The following DLGAP1 variants were observed in gnomAD, a reference collection of about 807,000 sequenced individuals.
DLGAP1 encodes the protein DLG associated protein 1, also known as disks large-associated protein 1.
In DLGAP1, 11 loss-of-function variants were observed where a neutral mutation model predicts 90.8. That is an observed-to-expected ratio of 0.12 (90% CI 0.08 to 0.20). The LOEUF is 0.20. Ranked by LOEUF, DLGAP1 falls within the 10% of genes least tolerant of loss-of-function variation. The pLI is 1.00. For synonymous variants in DLGAP1, 558 were observed against 540.7 expected, an observed-to-expected ratio of 1.03 and a Z score of -0.44; for missense variants, 1,050 against 1,333.8, an observed-to-expected ratio of 0.79 and a Z score of 3.31.
chr18:4,351,785 CT>C (rs1304401723), intron 1 of DLGAP1, among the ~76,000 whole-genome samples: 1 of 152,148 alleles, frequency 6.6e-6, no homozygotes, highest in Non-Finnish European at 1.5e-5. Context: ...ACATACTAGG[CT>C]CAAATTTATT....
Position 4,000,455 on chromosome 18 carries a change from T to G in DLGAP1, c.-73+4661A>C, listed in dbSNP as rs375122170. Among the ~76,000 whole-genome samples the G allele has an allele frequency of 1.6e-4, 24 of 152,302 alleles. 2 individuals carry two copies. Among genetic ancestry groups the G allele is most frequent in the African/African-American group, 3.8e-4 (16 of 41,576 alleles). On this transcript the variant is annotated intron_variant, in intron 3 of 12. Coordinates refer to ENST00000315677, the MANE Select transcript of DLGAP1 (RefSeq NM_004746.4). ...ATATAGAGCAAATGGCCATCACATTTTGTACTCTCTCCCTCGTAAACTACA... is the reference window on the plus strand; with the variant it reads ...ATATAGAGCAAATGGCCATCACATTGTGTACTCTCTCCCTCGTAAACTACA...
At chr18:3,656,374 CA>C in intron 7 of DLGAP1, 1 of 449,382 alleles carries the variant, frequency 2.2e-6, no homozygotes, top group Non-Finnish European at 4.0e-6. Context: ...TTGGATGGGA[CA>C]AAGGCCAAGT....
chr18:3,583,151 T>G (rs7232646), intron 7 of DLGAP1, among the ~76,000 whole-genome samples: 28,542 of 122,384 alleles, frequency 0.23, 3,049 homozygotes, highest in South Asian at 0.26. Flanking sequence ...CCGACCTACC[T>G]ACCTACCTAC....
intron 5 of DLGAP1, among the ~76,000 whole-genome samples, chr18:3,786,956 G>A (rs563693040): frequency 4.9e-5 from 6 of 123,332 alleles, no homozygotes; most frequent in African/African-American, 1.7e-4. Context: ...TGTGTTGTTC[G>A]CATTTTTACA....
intron 1 of DLGAP1, among the ~76,000 whole-genome samples, chr18:4,277,152 G>A (rs955976853): frequency 2.6e-5 from 4 of 152,178 alleles, no homozygotes; most frequent in Admixed American, 1.3e-4. Flanking sequence ...GTGTATACAC[G>A]TGATATAGAC....
chr18:3,701,068 G>A (rs2061264698), intron 7 of DLGAP1, among the ~76,000 whole-genome samples: 1 of 152,104 alleles, frequency 6.6e-6, no homozygotes, highest in Non-Finnish European at 1.5e-5. Flanking sequence ...TTTTGTTGAG[G>A]TGGGGTTGTG....
intron 5 of DLGAP1, among the ~76,000 whole-genome samples, chr18:3,769,848 T>TC (rs1555661419): frequency 2.0e-5 from 3 of 150,566 alleles, no homozygotes; most frequent in Non-Finnish European, 4.4e-5. Context: ...CCACGGTGGG[T>TC]GGGGGGGGAA....
chr18:4,049,744 G>A (rs926039873), intron 2 of DLGAP1, among the ~76,000 whole-genome samples: 6 of 151,972 alleles, frequency 3.9e-5, no homozygotes, highest in Non-Finnish European at 7.4e-5. Flanking sequence ...GTAATCATGC[G>A]CTTAGACTAG....
chr18:3,617,591 CAAAAAA>C (rs66810699), intron 7 of DLGAP1, among the ~76,000 whole-genome samples: 1 of 132,240 alleles, frequency 7.6e-6, no homozygotes, highest in Non-Finnish European at 1.6e-5. Flanking sequence ...AACTCCATCT[CAAAAAA>C]AAAAAAAAAA....
chr18:4,330,795 T>C (rs1458726130), intron 1 of DLGAP1, among the ~76,000 whole-genome samples: 1 of 151,904 alleles, frequency 6.6e-6, no homozygotes, highest in South Asian at 2.1e-4. Flanking sequence ...TCTGGTCTCT[T>C]CTGGGTTATG....
chr18:4,032,321 C>G (rs2074808795), intron 2 of DLGAP1, among the ~76,000 whole-genome samples: 1 of 152,152 alleles, frequency 6.6e-6, no homozygotes, highest in Non-Finnish European at 1.5e-5. Flanking sequence ...GTCTGAAAAT[C>G]TCTGTAGTCT....
intron 1 of DLGAP1, among the ~76,000 whole-genome samples, chr18:4,449,847 G>C (rs1486322934): frequency 6.6e-6 from 1 of 152,140 alleles, no homozygotes; most frequent in African/African-American, 2.4e-5. Context: ...ATTCCAAGGA[G>C]AGGGGGAAAG....
At chr18:3,656,900 G>C (rs1263972637) in intron 7 of DLGAP1, among the ~76,000 whole-genome samples, 1 of 151,694 alleles carries the variant, frequency 6.6e-6, no homozygotes, top group Admixed American at 6.6e-5. Flanking sequence ...GCGCCCGCCA[G>C]CACGCCCGGC....
intron 3 of DLGAP1, among the ~76,000 whole-genome samples, chr18:3,936,644 C>A (rs1213753677): frequency 5.9e-5 from 9 of 152,156 alleles, no homozygotes; most frequent in South Asian, 2.1e-4. Context: ...TGATTCATCA[C>A]CTTTGCATAA....
At chr18:4,290,217 TTATATACTAGG>T (rs1408868568) in intron 1 of DLGAP1, among the ~76,000 whole-genome samples, 1 of 152,198 alleles carries the variant, frequency 6.6e-6, no homozygotes, top group Non-Finnish European at 1.5e-5. Context: ...TTGTTAGCAT[TTATATACTAGG>T]TATTATGCAT....
intron 1 of DLGAP1, among the ~76,000 whole-genome samples, chr18:4,278,250 T>A (rs2079462599): frequency 6.6e-6 from 1 of 152,216 alleles, no homozygotes; most frequent in Non-Finnish European, 1.5e-5. Context: ...TATGGTCTTT[T>A]ATTTTTAAAG....
intron 4 of DLGAP1, among the ~76,000 whole-genome samples, chr18:3,828,938 C>G (rs1287587523): frequency 6.6e-6 from 1 of 152,114 alleles, no homozygotes; most frequent in African/African-American, 2.4e-5. Context: ...AAAATAAGAG[C>G]CAGGTACATG....
At chr18:3,533,233 G>T (rs1190497940) in intron 10 of DLGAP1, among the ~76,000 whole-genome samples, 1 of 152,224 alleles carries the variant, frequency 6.6e-6, no homozygotes, top group Non-Finnish European at 1.5e-5. Flanking sequence ...CAACTTGGGT[G>T]AGGAGTGAGG....
At chr18:4,014,553 T>C (rs560377112) in intron 2 of DLGAP1, among the ~76,000 whole-genome samples, 1 of 152,314 alleles carries the variant, frequency 6.6e-6, no homozygotes, top group African/African-American at 2.4e-5. Flanking sequence ...CAAAGAACTG[T>C]AATGTCCCCA....
Sources: gnomAD v4.1 joint callset for allele counts (sites outside exome capture counted in the v4.1 genomes callset) on GRCh38, gnomAD v4.1.1 for gene constraint, MANE v1.5 for transcripts, NCBI Gene and HGNC (gene_info 2026-07-23, HGNC 2026-07-21) for gene names.